Variants in NPAS3 observed in about 807,000 individuals in gnomAD.
The protein encoded by NPAS3 is neuronal PAS domain protein 3, also known as neuronal PAS domain-containing protein 3.
A neutral mutation model predicts 73.1 loss-of-function variants in NPAS3; 14 were observed. The ratio of observed to expected loss-of-function variants is 0.19; its 90% CI spans 0.13 to 0.30. The LOEUF is 0.30. Ranked by LOEUF, NPAS3 falls within the 10% of genes least tolerant of loss-of-function variation. The probability of loss-of-function intolerance (pLI) is 1.00; values close to 1 mark genes in which losing one functional copy is unlikely to be tolerated. For missense variants in NPAS3, 1,096 were observed against 1,250.0 expected (o/e 0.88, Z 1.86); for synonymous variants, 620 against 541.5 (o/e 1.14, Z -2.01).
intron 2 of NPAS3, among the ~76,000 whole-genome samples, chr14:33,179,924 A>G (rs138617108): frequency 1.4e-4 from 21 of 152,312 alleles, no homozygotes; most frequent in African/African-American, 1.4e-4. Context: ...TGATTCTTCT[A>G]TGTAAATATT....
At chr14:33,459,574 C>T (rs1049478363) in intron 4 of NPAS3, among the ~76,000 whole-genome samples, 2 of 152,160 alleles carry the variant, frequency 1.3e-5, no homozygotes, top group Admixed American at 1.3e-4. Flanking sequence ...GTCAGTTTAT[C>T]TCTCTGATTT....
At chr14:33,496,563 C>T (rs530403618) in intron 4 of NPAS3, among the ~76,000 whole-genome samples, 8 of 152,194 alleles carry the variant, frequency 5.3e-5, no homozygotes, top group South Asian at 4.1e-4. Flanking sequence ...AATAAATAAA[C>T]GTAATCCATC....
chr14:33,452,959 A>C (rs1404278681), intron 4 of NPAS3, among the ~76,000 whole-genome samples: 1 of 152,098 alleles, frequency 6.6e-6, no homozygotes, highest in Non-Finnish European at 1.5e-5. Context: ...TTGTTTAAAA[A>C]ATGAAAGGAA....
chr14:33,335,112 G>A (rs1202855063), intron 3 of NPAS3, among the ~76,000 whole-genome samples: 2 of 151,346 alleles, frequency 1.3e-5, no homozygotes, highest in African/African-American at 4.9e-5. Flanking sequence ...ATGGGCACTT[G>A]GGCTGGTTCC....
chr14:33,367,906 G>A (rs895714667), intron 4 of NPAS3, among the ~76,000 whole-genome samples: 2 of 152,094 alleles, frequency 1.3e-5, no homozygotes, highest in African/African-American at 2.4e-5. Flanking sequence ...TTGCAAACTC[G>A]TCATCTCACT....
At chr14:33,317,795 C>G (rs2043270398) in intron 3 of NPAS3, among the ~76,000 whole-genome samples, 1 of 152,004 alleles carries the variant, frequency 6.6e-6, no homozygotes, top group Non-Finnish European at 1.5e-5. Context: ...TTGGGTGTGT[C>G]TTTATTAGCA....
At chr14:33,414,325 G>A (rs181505879) in intron 4 of NPAS3, among the ~76,000 whole-genome samples, 1 of 152,206 alleles carries the variant, frequency 6.6e-6, no homozygotes, top group Admixed American at 6.5e-5. Context: ...AGAAATCTTT[G>A]TCAGTGTCTT....
At chr14:32,990,949 A>C (rs1443279868) in intron 1 of NPAS3, among the ~76,000 whole-genome samples, 3 of 150,422 alleles carry the variant, frequency 2.0e-5, no homozygotes, top group African/African-American at 7.4e-5. Context: ...ACAAAAAAAA[A>C]CAAGCCACTG....
intron 3 of NPAS3, among the ~76,000 whole-genome samples, chr14:33,218,524 C>T (rs189323286): frequency 2.1e-4 from 32 of 152,230 alleles, no homozygotes; most frequent in Non-Finnish European, 3.5e-4. Context: ...GACGTTCATA[C>T]GGATAAACAA....
chr14:33,181,628 T>A (rs2045803576), intron 2 of NPAS3, among the ~76,000 whole-genome samples: 1 of 152,246 alleles, frequency 6.6e-6, no homozygotes, highest in African/African-American at 2.4e-5. Context: ...GCTTTTATGT[T>A]ACCTAATTGG....
At chr14:33,119,755 G>A (rs558392237) in intron 2 of NPAS3, among the ~76,000 whole-genome samples, 2 of 152,194 alleles carry the variant, frequency 1.3e-5, no homozygotes, top group East Asian at 1.9e-4. Context: ...TATTGTTCAC[G>A]CCCTACTCCC....
chr14:33,401,445 TG>T (rs1354642671), intron 4 of NPAS3, among the ~76,000 whole-genome samples: 1 of 152,052 alleles, frequency 6.6e-6, no homozygotes, highest in East Asian at 1.9e-4. Flanking sequence ...TGTAATTTGG[TG>T]GGTCCTTTTC....
chr14:33,697,727 T>C (rs1475742230), intron 6 of NPAS3, among the ~76,000 whole-genome samples: 1 of 152,236 alleles, frequency 6.6e-6, no homozygotes, highest in Non-Finnish European at 1.5e-5. Flanking sequence ...GAATTATACA[T>C]TCATGTATCT....
Position 33,800,695 on chromosome 14 carries a change from G to C in NPAS3, c.2388G>C (p.Leu796Phe), listed in dbSNP as rs1249922495. 5 of 1,546,738 alleles carry C rather than the reference G, an allele frequency of 3.2e-6. No individual in the cohort carries two copies. Among genetic ancestry groups the C allele is most frequent in the Non-Finnish European group, 4.4e-6 (5 of 1,148,392 alleles). Residue 796 changes from leucine to phenylalanine, a missense_variant, in exon 12 of 12, where the codon TTG becomes TTC. By Grantham distance (22) the Leu-to-Phe change is conservative (BLOSUM62 0). Around this residue, in one of 5 missense-constraint regions of NPAS3, gnomAD observed 698 missense variants for 676.7 expected, o/e 1.03. Transcript: ENST00000356141. This position sits in a 1 kb window ranked among gnomAD's most constrained non-coding sequence, Gnocchi z 6.5. ...GGGACCTGGAGGCGCTGCAGAGGTTGCAGGCGGGCAACGTCGTGCTCCCGC... is the reference window on the plus strand; with the variant it reads ...GGGACCTGGAGGCGCTGCAGAGGTTCCAGGCGGGCAACGTCGTGCTCCCGC...
chr14:33,634,254 G>A (rs1295015570), intron 5 of NPAS3, among the ~76,000 whole-genome samples: 3 of 152,154 alleles, frequency 2.0e-5, no homozygotes, highest in Non-Finnish European at 4.4e-5. Flanking sequence ...CCCCTAATAC[G>A]TGCACTGTCT....
chr14:33,560,210 A>C (rs748510260), exon 5 of NPAS3: 1 of 864,328 alleles, frequency 1.2e-6, no homozygotes, highest in Non-Finnish European at 2.0e-6. Context: ...GCCTCTCACA[A>C]GTAAGTAAAA....
At chr14:33,765,207 C>A (rs145412750) in intron 7 of NPAS3, among the ~76,000 whole-genome samples, 1 of 151,670 alleles carries the variant, frequency 6.6e-6, no homozygotes, top group African/African-American at 2.4e-5. Flanking sequence ...AGGATACAGT[C>A]ATGTAAGAAG....
intron 7 of NPAS3, among the ~76,000 whole-genome samples, chr14:33,769,771 T>TTC (rs1264183484): frequency 4.4e-5 from 6 of 137,530 alleles, no homozygotes; most frequent in Non-Finnish European, 9.4e-5. Flanking sequence ...TTTTTTTTTT[T>TTC]TTTTTTTTTT....
chr14:33,175,483 G>A (rs559776830), intron 2 of NPAS3, among the ~76,000 whole-genome samples: 6 of 152,192 alleles, frequency 3.9e-5, no homozygotes, highest in Admixed American at 2.0e-4. Context: ...AAATGGAAGC[G>A]GTGTTTAAAT....
Sources: allele counts gnomAD v4.1 joint callset (sites outside exome capture counted in the v4.1 genomes callset), GRCh38; gene constraint gnomAD v4.1.1; regional missense constraint gnomAD v4.1.1; non-coding constraint Gnocchi (gnomAD v3.1); transcripts MANE v1.5; gene names NCBI Gene and HGNC (gene_info 2026-07-23, HGNC 2026-07-21).